TP53INP1: variants seen among roughly 807,000 people sequenced by gnomAD.
TP53INP1 encodes tumor protein p53 inducible nuclear protein 1, also known as tumor protein p53-inducible nuclear protein 1.
In TP53INP1, 12 loss-of-function variants were observed where a neutral mutation model predicts 21.0. The ratio of observed to expected loss-of-function variants is 0.57; its 90% CI spans 0.37 to 0.93. The LOEUF (loss-of-function observed/expected upper bound fraction) is 0.93. Ranked by LOEUF, TP53INP1 falls within the 40% of genes least tolerant of loss-of-function variation. The probability of loss-of-function intolerance (pLI) is 0.01; values close to 1 mark genes in which losing one functional copy is unlikely to be tolerated. For synonymous variants in TP53INP1, 91 were observed against 94.8 expected, an observed-to-expected ratio of 0.96 and a Z score of 0.23; for missense variants, 274 against 294.7, an observed-to-expected ratio of 0.93 and a Z score of 0.51.
chr8:94,947,635 C>T (rs1037980882), intron 1 of TP53INP1, among the ~76,000 whole-genome samples: 4 of 152,216 alleles, frequency 2.6e-5, no homozygotes, highest in Non-Finnish European at 5.9e-5. Flanking sequence ...GAAGACTGTT[C>T]AACTAGTGTG....
chr8:94,937,974 G>A (rs928153366), intron 3 of TP53INP1, among the ~76,000 whole-genome samples: 1 of 152,098 alleles, frequency 6.6e-6, no homozygotes, highest in Non-Finnish European at 1.5e-5. Context: ...TAAAGCTAAC[G>A]TCCCTTCCAG....
At chr8:94,947,504 C>G (rs1822125104) in intron 1 of TP53INP1, among the ~76,000 whole-genome samples, 1 of 152,146 alleles carries the variant, frequency 6.6e-6, no homozygotes, top group African/African-American at 2.4e-5. Context: ...AAAACCAAGC[C>G]AAGAAAGTTA....
At chr8:94,947,116 T>C (rs1586760481) in intron 1 of TP53INP1, among the ~76,000 whole-genome samples, 1 of 151,846 alleles carries the variant, frequency 6.6e-6, no homozygotes, top group East Asian at 1.9e-4. Flanking sequence ...AGTGACAGAG[T>C]TGGTTGGGGT....
Position 94,949,135 on chromosome 8 carries a change from G to GC in TP53INP1, c.-151+18dup, listed in dbSNP as rs561010086. On this transcript the variant is annotated intron_variant, in intron 1 of 3. Transcript: ENST00000342697. ...GGCGGCCCTGGACGGACGCCCGCCC[G>GC]CCCCCCCCCGGCACTTACGTGGGCC... The GC allele has an allele frequency of 0.36, 52,557 of 145,734 alleles. 9,678 individuals carry two copies. Among genetic ancestry groups the GC allele is most frequent in the Non-Finnish European group, 0.4 (25,905 of 65,522 alleles). The allele number at this position is 145,734 out of a possible 1,614,324, so 9.0% of individuals were successfully genotyped here. A position where few individuals can be genotyped will look rare whatever the true frequency, so the allele number is the denominator to read the frequency against.
chr8:94,930,621 C>T lies in TP53INP1; in HGVS notation c.581G>A (p.Trp194Ter). The T allele has an allele frequency of 1.9e-6, 3 of 1,614,180 alleles. No individual in the cohort carries two copies. Among genetic ancestry groups the T allele is most frequent in the Non-Finnish European group, 2.5e-6 (3 of 1,180,032 alleles). ...CTGTCTTTCACTGTGTTCTTTTATC[C>T]ACTGGGAAGGGCGAAAGCTCTTGGG... is the stretch of plus-strand genomic sequence containing the variant. ...EQPKSFRPSQ[W>*]IKEHSERQPL... The change falls in exon 4 of 4, where the codon TGG (tryptophan) becomes TAG (stop). Residue 194 changes from tryptophan to a stop codon, truncating the protein, a stop_gained. Transcript: ENST00000342697. LOFTEE classifies it high-confidence loss of function.
intron 1 of TP53INP1, among the ~76,000 whole-genome samples, chr8:94,943,178 A>T (rs1027030544): frequency 1.2e-4 from 19 of 152,184 alleles, no homozygotes; most frequent in African/African-American, 3.9e-4. Context: ...TGACACAAAG[A>T]CAGTGATAAA....
At chr8:94,943,496 T>TTA (rs571836645) in intron 1 of TP53INP1, among the ~76,000 whole-genome samples, 246 of 152,154 alleles carry the variant, frequency 1.6e-3, no homozygotes, top group Middle Eastern at 0.01. Flanking sequence ...CAAAAAAAAG[T>TTA]TATATATATG....
At position 94,933,110 on chromosome 8, in the gene TP53INP1, C is replaced by A. The variant is rs548057360; in HGVS notation, c.474-2382G>T. ...GCATGTGCCAGTAATCCCAGTTAAT[C>A]GGCAGGATAAGGCAGGAGAATCACT... On this transcript the variant is annotated intron_variant, in intron 3 of 3. Transcript: ENST00000342697. Among the ~76,000 whole-genome samples the A allele has an allele frequency of 2.0e-5, 3 of 152,152 alleles. No homozygotes were observed. In the South Asian group the frequency reaches 6.2e-4, roughly 32 times the overall value.
intron 1 of TP53INP1, chr8:94,945,757 GT>G: frequency 6.6e-6 from 1 of 152,378 alleles, no homozygotes; most frequent in East Asian, 1.9e-4. Flanking sequence ...TACAAATACA[GT>G]TCTGGAATTC....
chr8:94,936,727 CAGA>C (rs1471564613), intron 3 of TP53INP1, among the ~76,000 whole-genome samples: 1 of 152,156 alleles, frequency 6.6e-6, no homozygotes, highest in Non-Finnish European at 1.5e-5. Context: ...CAGTGGCCAT[CAGA>C]AGAACTCCCT....
At position 94,939,968 on chromosome 8, in the gene TP53INP1, A is replaced by T. The variant is rs913102046; in HGVS notation, c.365T>A (p.Leu122His). 1 of 1,614,170 alleles carries T rather than the reference A, an allele frequency of 6.2e-7. No homozygotes were observed. Among genetic ancestry groups the T allele is most frequent in the Admixed American group, 1.7e-5 (1 of 60,022 alleles). ...AGACATGCTGGGATGTTCAATGAGA[A>T]GGTTTTCCATAGGACTTGTTTCCAC... ...IKVETSPMENLLIEHPSMSVY... is the reference protein window; with the variant it reads ...IKVETSPMENHLIEHPSMSVY... Residue 122 changes from leucine (L) to histidine (H), a missense_variant, in exon 3 of 4, where the codon CTT (leucine) becomes CAT (histidine). Transcript: ENST00000342697.
At position 94,948,217 on chromosome 8, in the gene TP53INP1, C is replaced by T. The variant is rs572121171; in HGVS notation, c.-151+937G>A. 3.9e-5 allele frequency among the ~76,000 whole-genome samples: 6 copies of T among 152,260 alleles called. No individual in the cohort carries two copies. In the East Asian group the frequency reaches 1.2e-3, roughly 29 times the overall value. ...GACTCTCCAGGTAAAATTCAGCTGC[C>T]ACTTTGAAATACAAACACCATTTCC... is the stretch of plus-strand genomic sequence containing the variant. On this transcript the variant is annotated intron_variant, in intron 1 of 3. Transcript: ENST00000342697.
intron 1 of TP53INP1, chr8:94,945,512 A>G (rs1292532171): frequency 6.6e-6 from 1 of 152,122 alleles, no homozygotes; most frequent in East Asian, 1.9e-4. Flanking sequence ...TTAAAGGCCT[A>G]CCCTCCTACT....
intron 1 of TP53INP1, among the ~76,000 whole-genome samples, chr8:94,942,835 C>T (rs535101179): frequency 6.6e-6 from 1 of 152,250 alleles, no homozygotes; most frequent in East Asian, 1.9e-4. Flanking sequence ...GAATGTGGCA[C>T]CTTCAGTACC....
intron 3 of TP53INP1, among the ~76,000 whole-genome samples, chr8:94,932,579 G>A (rs146777333): frequency 5.3e-5 from 8 of 152,290 alleles, no homozygotes; most frequent in African/African-American, 1.7e-4. Flanking sequence ...TGAGGCGGGC[G>A]GATCGTGAGG....
rs562685779 is a variant in TP53INP1, at chr8:94,929,560, A to G, written c.*919T>C. 1.3e-5 allele frequency: 2 copies of G among 152,208 alleles called. No homozygotes were observed. Among genetic ancestry groups the G allele is most frequent in the South Asian group, 4.1e-4 (2 of 4,830 alleles). The allele number at this position is 152,208 out of a possible 1,614,324, so 9.4% of individuals were successfully genotyped here. A position where few individuals can be genotyped will look rare whatever the true frequency, so the allele number is the denominator to read the frequency against. ...ACAGAGGATTTTTCACTCTGTGGAAATATAAAGCCTATCTCTTTTCCCATG... is the reference window on the plus strand; with the variant it reads ...ACAGAGGATTTTTCACTCTGTGGAAGTATAAAGCCTATCTCTTTTCCCATG... On this transcript the variant is annotated 3_prime_UTR_variant, in exon 4 of 4. Coordinates refer to ENST00000342697, the MANE Select transcript of TP53INP1 (RefSeq NM_033285.4).
In TP53INP1 at chr8:94,930,162, G is replaced by A. The variant is rs1219298266; in HGVS notation, c.*317C>T. 3.8e-6 allele frequency: 1 copy of A among 263,270 alleles called. No individual in the cohort carries two copies. The highest frequency in any genetic ancestry group is 7.2e-6 in the Non-Finnish European group (1 of 138,540). 16.3% of individuals were successfully genotyped at this position (263,270 alleles called of 1,614,324 possible). A position where few individuals can be genotyped will look rare whatever the true frequency, so the allele number is the denominator to read the frequency against. On this transcript the variant is annotated 3_prime_UTR_variant, in exon 4 of 4. Transcript: ENST00000342697. The stretch of plus-strand genomic sequence containing the variant: ...ATGAAAGATGCCTATTCTCGTACTT[G>A]GGAAGAAATGTCTTTAAAATGCTGA...
At chr8:94,932,720 A>G (rs1468182208) in intron 3 of TP53INP1, among the ~76,000 whole-genome samples, 4 of 152,146 alleles carry the variant, frequency 2.6e-5, no homozygotes, top group Non-Finnish European at 4.4e-5. Flanking sequence ...GGAGAACGGC[A>G]TGAACCCAGG....
At chr8:94,931,642 C>T (rs1396984115) in intron 3 of TP53INP1, among the ~76,000 whole-genome samples, 1 of 151,156 alleles carries the variant, frequency 6.6e-6, no homozygotes, top group Non-Finnish European at 1.5e-5. Flanking sequence ...TTTTAAGAGG[C>T]CACAATAAGA....
Sources: allele counts gnomAD v4.1 joint callset (sites outside exome capture counted in the v4.1 genomes callset), GRCh38; gene constraint gnomAD v4.1.1; transcripts MANE v1.5; gene names NCBI Gene and HGNC (gene_info 2026-07-23, HGNC 2026-07-21).